Variants in ARNT observed in about 807,000 individuals in gnomAD.
ARNT encodes aryl hydrocarbon receptor nuclear translocator.
Under a neutral mutation model 105.0 loss-of-function variants are expected in ARNT, and 30 were observed. The ratio of observed to expected loss-of-function variants is 0.29; its 90% confidence interval spans 0.21 to 0.39. The LOEUF (loss-of-function observed/expected upper bound fraction) is 0.39, where lower values mean the gene tolerates loss of function less well. ARNT is among the 10% of genes least tolerant of loss of function. ARNT has a pLI of 1.00. For synonymous variants in ARNT, 304 were observed against 344.0 expected (o/e 0.88, Z 1.29); for missense variants, 748 against 978.7 (o/e 0.76, Z 3.15).
At position 150,816,269 on chromosome 1, in the gene ARNT, A is replaced by G; in HGVS notation, c.1940T>C (p.Phe647Ser). ...PTWTPTTRSG[F>S]SAQQVATQAT... Reference sequence around the variant, plus strand: ...GATGATAAGTTTTACCTGGGCAGAAAAGCCTGAGCGGGTAGTAGGGGTCCA... The same window carrying G: ...GATGATAAGTTTTACCTGGGCAGAAGAGCCTGAGCGGGTAGTAGGGGTCCA... The change falls in exon 19 of 22, where the codon TTT (phenylalanine) becomes TCT (serine). Residue 647 changes from phenylalanine (F) to serine (S), a missense_variant. Phe to Ser is a radical substitution (Grantham distance 155). Around this residue, in one of 4 missense-constraint regions of ARNT, gnomAD observed 360 missense variants for 411.9 expected, o/e 0.87. Coordinates refer to ENST00000358595, the MANE Select transcript of ARNT (RefSeq NM_001668.4). 1 of 1,601,930 alleles carries G rather than the reference A, an allele frequency of 6.2e-7. No individual in the cohort carries two copies. Among genetic ancestry groups the G allele is most frequent in the African/African-American group, 1.4e-5 (1 of 74,038 alleles).
chr1:150,831,000 T>C (rs1180522626), intron 10 of ARNT, among the ~76,000 whole-genome samples: 1 of 152,182 alleles, frequency 6.6e-6, no homozygotes, highest in Non-Finnish European at 1.5e-5. Context: ...CTGGATGCTT[T>C]CCTTACATTA....
intron 1 of ARNT, among the ~76,000 whole-genome samples, chr1:150,861,576 G>A (rs968781579): frequency 6.6e-6 from 1 of 152,166 alleles, no homozygotes; most frequent in Non-Finnish European, 1.5e-5. Context: ...TTAAAAGGCC[G>A]AGGGAGGAGG....
intron 3 of ARNT, among the ~76,000 whole-genome samples, chr1:150,848,998 G>A (rs1203634501): frequency 1.3e-5 from 2 of 152,084 alleles, no homozygotes; most frequent in African/African-American, 4.8e-5. Flanking sequence ...GAGGTCGGCA[G>A]TTCAAGACCA....
chr1:150,852,694 C>A lies in ARNT; in HGVS notation c.182+68G>T. 3 of 1,449,890 alleles carry A rather than the reference C, an allele frequency of 2.1e-6. No homozygotes were observed. In the South Asian group the frequency reaches 3.6e-5, roughly 17 times the overall value. 89.8% of individuals were successfully genotyped at this position (1,449,890 alleles called of 1,614,324 possible). On this transcript the variant is annotated intron_variant, in intron 3 of 21. Transcript: ENST00000358595. ...GACCTAAGGACAAAAATTTACAAGT[C>A]AGAAGTATAAAGATCATAAACTAAT...
At chr1:150,869,724 A>G (rs1053894768) in intron 1 of ARNT, among the ~76,000 whole-genome samples, 1 of 151,666 alleles carries the variant, frequency 6.6e-6, no homozygotes, top group African/African-American at 2.4e-5. Flanking sequence ...ATTTTTTTAT[A>G]TATATTTTTG....
intron 1 of ARNT, among the ~76,000 whole-genome samples, chr1:150,869,559 T>C (rs77158876): frequency 2.0e-5 from 3 of 151,140 alleles, no homozygotes; most frequent in African/African-American, 4.9e-5. Context: ...TTTTTTTTTT[T>C]CCTAGAGACA....
intron 3 of ARNT, among the ~76,000 whole-genome samples, chr1:150,849,992 T>C (rs907767463): frequency 2.0e-5 from 3 of 151,768 alleles, no homozygotes; most frequent in African/African-American, 7.3e-5. Flanking sequence ...GCAGAAGTTG[T>C]AGTGAGCCAA....
rs758003019 is a variant in ARNT, at chr1:150,829,125, G to A, written c.1135C>T (p.Arg379Cys). Residue 379 changes from arginine to cysteine, a missense_variant, in exon 12 of 22, where the codon CGC becomes TGC. Arg to Cys is a radical substitution (Grantham distance 180, BLOSUM62 -3). This residue lies in a region of ARNT where 291 missense variants were observed against 444.6 expected (regional missense o/e 0.65). Coordinates refer to ENST00000358595, the MANE Select transcript of ARNT (RefSeq NM_001668.4). The stretch of plus-strand genomic sequence containing the variant: ...TGGTAGCCAACAGTAGCCACACAGC[G>A]GTGATCCACAAAAGTGAAGATACCC... The part of the protein sequence containing the change: ...IEGIFTFVDH[R>C]CVATVGYQPQ... 28 of 1,614,018 alleles carry A rather than the reference G, an allele frequency of 1.7e-5. No homozygotes were observed. Among genetic ancestry groups the A allele is most frequent in the South Asian group, 7.7e-5 (7 of 91,088 alleles).
chr1:150,874,559 C>A (rs1485691934), intron 1 of ARNT, among the ~76,000 whole-genome samples: 1 of 152,092 alleles, frequency 6.6e-6, no homozygotes, highest in African/African-American at 2.4e-5. Context: ...GGTGGCAAGG[C>A]ACCTGTAGTC....
intron 1 of ARNT, among the ~76,000 whole-genome samples, chr1:150,873,873 T>G (rs1667845005): frequency 6.6e-6 from 1 of 151,928 alleles, no homozygotes; most frequent in African/African-American, 2.4e-5. Flanking sequence ...TGAGCTGTGA[T>G]TACACCATTG....
chr1:150,853,641 AG>A (rs1664038508), intron 2 of ARNT, among the ~76,000 whole-genome samples: 1 of 152,222 alleles, frequency 6.6e-6, no homozygotes, highest in South Asian at 2.1e-4. Context: ...GTGCTAGGTG[AG>A]GTAAAAACAA....
chr1:150,855,318 G>A (rs1179893588), intron 2 of ARNT, among the ~76,000 whole-genome samples: 1 of 151,970 alleles, frequency 6.6e-6, no homozygotes, highest in African/African-American at 2.4e-5. Flanking sequence ...ACTTTGAGAA[G>A]CCAAGGCAGG....
chr1:150,845,858 C>T (rs587672976), intron 4 of ARNT, among the ~76,000 whole-genome samples: 47 of 152,182 alleles, frequency 3.1e-4, no homozygotes, highest in African/African-American at 1.0e-3. Flanking sequence ...GCCGAGATGG[C>T]GCCATTGCAC....
intron 4 of ARNT, among the ~76,000 whole-genome samples, chr1:150,843,665 A>G (rs1440450485): frequency 6.6e-6 from 1 of 151,956 alleles, no homozygotes; most frequent in African/African-American, 2.4e-5. Flanking sequence ...TTTTTTTCAA[A>G]AAGTTGAGCA....
At chr1:150,820,523 G>C (rs1656824535) in intron 14 of ARNT, among the ~76,000 whole-genome samples, 1 of 152,124 alleles carries the variant, frequency 6.6e-6, no homozygotes, top group Non-Finnish European at 1.5e-5. Flanking sequence ...CAGGCGTCTT[G>C]GTAGATGTCT....
intron 4 of ARNT, among the ~76,000 whole-genome samples, chr1:150,845,839 T>C (rs1662104191): frequency 6.6e-6 from 1 of 152,100 alleles, no homozygotes; most frequent in Non-Finnish European, 1.5e-5. Flanking sequence ...GAGGTGAAGG[T>C]TGCAGTGAGC....
chr1:150,856,835 C>G (rs1664703823), intron 2 of ARNT, among the ~76,000 whole-genome samples: 1 of 151,220 alleles, frequency 6.6e-6, no homozygotes, highest in Non-Finnish European at 1.5e-5. Context: ...TGGCTCACGC[C>G]TGTAATCCCA....
rs1557833007 is a variant in ARNT at position 150,810,148 on chromosome 1, T to G, written c.*1873A>C. Reference sequence around the variant, plus strand: ...AAAATCTTTGCTACATGTCATTATTTTTGCCACTGTAAAGCTTAGCACAGA... The same window carrying G: ...AAAATCTTTGCTACATGTCATTATTGTTGCCACTGTAAAGCTTAGCACAGA... On this transcript the variant is annotated 3_prime_UTR_variant, in exon 22 of 22. Coordinates refer to ENST00000358595, the MANE Select transcript of ARNT (RefSeq NM_001668.4). 4.3e-6 allele frequency: 1 copy of G among 231,900 alleles called. No individual in the cohort carries two copies. The highest frequency in any genetic ancestry group is 8.5e-6 in the Non-Finnish European group (1 of 116,962). The allele number at this position is 231,900 out of a possible 1,614,324, so 14.4% of individuals were successfully genotyped here.
intron 19 of ARNT, 141 bp from the exon 20 acceptor site, chr1:150,814,380 C>A: frequency 2.5e-6 from 2 of 812,384 alleles, no homozygotes. Context: ...TATATTTCTT[C>A]CAATTAACTC....
Sources: allele counts gnomAD v4.1 joint callset (sites outside exome capture counted in the v4.1 genomes callset), GRCh38; gene constraint gnomAD v4.1.1; regional missense constraint gnomAD v4.1.1; transcripts MANE v1.5; gene names NCBI Gene and HGNC (gene_info 2026-07-23, HGNC 2026-07-21).